Variants in CHM observed in about 807,000 individuals in gnomAD.
CHM encodes rab proteins geranylgeranyltransferase component A 1.
A neutral mutation model predicts 49.0 loss-of-function variants in CHM; 10 were observed. The ratio of observed to expected loss-of-function variants is 0.20; its 90% CI spans 0.13 to 0.35. The LOEUF is 0.35. CHM is among the 10% of genes least tolerant of loss of function. The pLI, the probability that CHM is intolerant of heterozygous loss-of-function variation, is 1.00. For synonymous variants in CHM, 184 were observed against 167.5 expected, an observed-to-expected ratio of 1.10 and a Z score of -0.76; for missense variants, 455 against 478.4, an observed-to-expected ratio of 0.95 and a Z score of 0.46.
rs372615743 is a variant in CHM, at chrX:86,038,280, G to A, written c.49+9204C>T. On this transcript the variant is annotated intron_variant, in intron 1 of 14. Transcript: ENST00000357749. The stretch of plus-strand genomic sequence containing the variant: ...TCCTCTGTTCCCATGAGACAAATGC[G>A]TATCTGATGGCTTCCTCCGCCCTAC... Among the ~76,000 whole-genome samples the A allele has an allele frequency of 5.5e-4, 62 of 111,892 alleles. 2 individuals are homozygous for A. In the South Asian group the frequency reaches 0.019, roughly 34 times the overall value.
At chrX:85,871,304 C>CAAAAAAAA (rs150005971) in intron 14 of CHM, among the ~76,000 whole-genome samples, 2 of 62,094 alleles carry the variant, frequency 3.2e-5, no homozygotes, top group African/African-American at 1.4e-4. Context: ...AAGACTGTCT[C>CAAAAAAAA]AAAAAAAAAA....
chrX:85,906,446 G>A (rs1249839346), intron 9 of CHM, among the ~76,000 whole-genome samples: 9 of 111,793 alleles, frequency 8.1e-5, no homozygotes, highest in Non-Finnish European at 1.7e-4. Context: ...TGTCTATTTA[G>A]TTAATACTTA....
At chrX:85,978,477 A>C (rs1198952318) in intron 4 of CHM, among the ~76,000 whole-genome samples, 1 of 111,931 alleles carries the variant, frequency 8.9e-6, no homozygotes, top group Non-Finnish European at 1.9e-5. Context: ...CTGTAAAAAA[A>C]ATCCAACTAT....
At chrX:85,887,525 A>G (rs1925161347) in intron 12 of CHM, among the ~76,000 whole-genome samples, 1 of 111,617 alleles carries the variant, frequency 9.0e-6, no homozygotes, top group African/African-American at 3.3e-5. Context: ...TGGTACCATT[A>G]GAGTGGGGCG....
chrX:85,906,939 C>A (rs929937968), intron 9 of CHM, among the ~76,000 whole-genome samples: 88 of 111,152 alleles, frequency 7.9e-4, no homozygotes, highest in African/African-American at 2.9e-3. Context: ...TTCGAGACTG[C>A]CCTGACAACA....
At chrX:85,925,864 CT>C (rs1188670482) in intron 8 of CHM, among the ~76,000 whole-genome samples, 1 of 111,124 alleles carries the variant, frequency 9.0e-6, no homozygotes, top group Admixed American at 9.6e-5. Context: ...AAGTGAATGT[CT>C]TTAGGGAGCC....
intron 14 of CHM, 28 bp from the exon 15 acceptor site, chrX:85,864,849 T>C: frequency 8.6e-7 from 1 of 1,166,779 alleles, no homozygotes; most frequent in Non-Finnish European, 1.2e-6. Flanking sequence ...GATAAAATCG[T>C]TTTTGGAAAT....
chrX:86,008,407 T>TA lies in CHM; in HGVS notation c.116+19083dup, dbSNP rs764424262. 5.2e-3 allele frequency among the ~76,000 whole-genome samples: 578 copies of TA among 110,760 alleles called. 6 individuals are homozygous for TA. The highest frequency in any genetic ancestry group is 0.018 in the African/African-American group (554 of 30,478). Reference sequence around the variant, plus strand: ...ATGTACCCTAGAACTTAAAGTATAATAAAAAAAACTGCCATGACACATGTT... The same window carrying TA: ...ATGTACCCTAGAACTTAAAGTATAATAAAAAAAAACTGCCATGACACATGTT... On this transcript the variant is annotated intron_variant, in intron 2 of 14. Transcript: ENST00000357749.
At chrX:86,041,726 G>GCATA (rs1934467474) in intron 1 of CHM, among the ~76,000 whole-genome samples, 1 of 83,735 alleles carries the variant, frequency 1.2e-5, no homozygotes, top group Non-Finnish European at 2.3e-5. Context: ...TGGTGTGTGT[G>GCATA]TATATATATA....
chrX:85,933,789 G>A, intron 8 of CHM, among the ~76,000 whole-genome samples: 1 of 111,630 alleles, frequency 9.0e-6, no homozygotes, highest in Non-Finnish European at 1.9e-5. Context: ...AAAAACTGCA[G>A]ATGGAAAAGC....
intron 4 of CHM, 117 bp downstream of exon 4, chrX:85,978,650 A>T: frequency 1.4e-6 from 1 of 711,483 alleles, no homozygotes; most frequent in South Asian, 2.4e-5. Context: ...AGGCAAAACC[A>T]GCATATTAAC....
intron 8 of CHM, among the ~76,000 whole-genome samples, chrX:85,943,909 TA>T (rs1929264123): frequency 9.1e-6 from 1 of 110,184 alleles, no homozygotes; most frequent in Admixed American, 9.7e-5. Context: ...GCTACCAGAA[TA>T]GTAGGTAGAT....
chrX:85,879,008 T>C lies in CHM; in HGVS notation c.1566A>G (p.Ser522=). ...SSKTAREDLE[S]VVQKLFVPYT... The stretch of plus-strand genomic sequence containing the variant: ...ATGGAACAAACAATTTCTGCACAAC[T>C]GATTCTAAATCTTCTCTTGCTGTTT... Residue 522 remains serine (S), a synonymous_variant, in exon 13 of 15, where the codon TCA becomes TCG. Transcript: ENST00000357749. The C allele has an allele frequency of 4.1e-6, 5 of 1,205,305 alleles. No individual in the cohort carries two copies. Among genetic ancestry groups the C allele is most frequent in the Non-Finnish European group, 5.6e-6 (5 of 890,811 alleles).
chrX:86,018,117 A>C (rs1442749842), intron 2 of CHM, among the ~76,000 whole-genome samples: 1 of 112,446 alleles, frequency 8.9e-6, no homozygotes, highest in Admixed American at 9.4e-5. Context: ...TTAAATTGGA[A>C]ACCATTTATG....
chrX:85,865,884 C>T lies in CHM; in HGVS notation c.1771-1063G>A, dbSNP rs762777038. Among the ~76,000 whole-genome samples the T allele has an allele frequency of 3.6e-5, 4 of 112,214 alleles. No individual in the cohort carries two copies. The East Asian group carries it at 1.1e-3, about 32-fold the overall frequency. On this transcript the variant is annotated intron_variant, in intron 14 of 14. Coordinates refer to ENST00000357749, the MANE Select transcript of CHM (RefSeq NM_000390.4). ...GTATGTGGCAGAAAAAATTTCTAAG[C>T]AGCAAAGCATTCAAGAGGTGACCCA... is the stretch of plus-strand genomic sequence containing the variant.
At chrX:86,039,060 T>C (rs936262360) in intron 1 of CHM, among the ~76,000 whole-genome samples, 11 of 112,590 alleles carry the variant, frequency 9.8e-5, no homozygotes, top group African/African-American at 3.5e-4. Context: ...AAAATGGAGA[T>C]GATATAGTAT....
chrX:85,943,572 G>A (rs763229057), intron 8 of CHM, among the ~76,000 whole-genome samples: 41 of 111,846 alleles, frequency 3.7e-4, no homozygotes, highest in Non-Finnish European at 4.5e-4. Context: ...AGAATGCCCC[G>A]TATTCTCTCC....
chrX:85,919,995 A>G (rs1274239595), intron 8 of CHM, among the ~76,000 whole-genome samples: 1 of 112,005 alleles, frequency 8.9e-6, no homozygotes, highest in Non-Finnish European at 1.9e-5. Context: ...CTTATCAGTC[A>G]TTCCGATAGT....
chrX:85,892,572 G>A, intron 12 of CHM, among the ~76,000 whole-genome samples: 1 of 111,300 alleles, frequency 9.0e-6, no homozygotes, highest in East Asian at 2.8e-4. Flanking sequence ...CTAGCCATGT[G>A]GAACTGTGAT....
Sources: allele counts gnomAD v4.1 joint callset (sites outside exome capture counted in the v4.1 genomes callset), GRCh38; gene constraint gnomAD v4.1.1; transcripts MANE v1.5; gene names NCBI Gene and HGNC (gene_info 2026-07-23, HGNC 2026-07-21).